Variants in COPG2 observed in about 807,000 individuals in gnomAD.
COPG2 encodes the protein coatomer subunit gamma-2.
COPG2 carries 37 observed loss-of-function variants against 46.3 expected under a neutral mutation model. That is an observed-to-expected ratio of 0.80 (90% CI 0.61 to 1.05). COPG2 has a LOEUF of 1.05. Among genes scored for constraint, COPG2 ranks in the 50% least tolerant of loss-of-function variants. The pLI is 0.00. For synonymous variants in COPG2, 159 were observed against 129.7 expected (o/e 1.23, Z -1.53); for missense variants, 427 against 387.8 (o/e 1.10, Z -0.85).
chr7:130,531,310 C>G (rs958554563), intron 20 of COPG2, among the ~76,000 whole-genome samples: 5 of 151,888 alleles, frequency 3.3e-5, no homozygotes, highest in African/African-American at 4.8e-5. Flanking sequence ...TAGGGAAGAC[C>G]CTGAATCCAG....
In COPG2 at chr7:130,535,337, T is replaced by TGGAG. The variant is rs1211716243; in HGVS notation, c.2149+12333_2149+12336dup. 4.6e-5 allele frequency among the ~76,000 whole-genome samples: 7 copies of TGGAG among 151,404 alleles called. No homozygotes were observed. In the South Asian group the frequency reaches 1.3e-3, roughly 27 times the overall value. ...AGTCACCTACAGAAGACAGACAGGG[T>TGGAG]GGAGGGGCCTCCAGGGAAGGATGGA... On this transcript the variant is annotated intron_variant, in intron 20 of 23. Transcript: ENST00000425248.
intron 1 of COPG2, among the ~76,000 whole-genome samples, chr7:130,667,781 C>T (rs1554461691): frequency 6.6e-6 from 1 of 152,212 alleles, no homozygotes; most frequent in African/African-American, 2.4e-5. Context: ...TTTCCCTGCC[C>T]TCTTTTTCCA....
intron 9 of COPG2, among the ~76,000 whole-genome samples, chr7:130,575,995 A>C (rs1203187456): frequency 1.3e-5 from 2 of 152,242 alleles, no homozygotes; most frequent in Non-Finnish European, 2.9e-5. Flanking sequence ...TAATGGTAAA[A>C]GCCCTTGTCC....
At chr7:130,652,505 T>C (rs1795767541) in intron 5 of COPG2, among the ~76,000 whole-genome samples, 1 of 152,250 alleles carries the variant, frequency 6.6e-6, no homozygotes, top group African/African-American at 2.4e-5. Flanking sequence ...TATTGGTTAT[T>C]TGATGAATTA....
chr7:130,651,504 T>A (rs1161916740), intron 5 of COPG2, among the ~76,000 whole-genome samples: 2 of 87,762 alleles, frequency 2.3e-5, no homozygotes, highest in African/African-American at 8.1e-5. Context: ...ATTTTTTTTT[T>A]TTTTTTTTTT....
chr7:130,564,075 A>T (rs1793763070), intron 10 of COPG2, among the ~76,000 whole-genome samples, 185 bp downstream of exon 10: 1 of 152,152 alleles, frequency 6.6e-6, no homozygotes, highest in South Asian at 2.1e-4. Context: ...TAGAAACATT[A>T]AAAAAAGTAA....
intron 20 of COPG2, among the ~76,000 whole-genome samples, chr7:130,525,873 A>T (rs999469140): frequency 1.3e-4 from 20 of 152,062 alleles, no homozygotes; most frequent in Admixed American, 2.6e-4. Context: ...AGGAGGACAG[A>T]GAGTGGGACC....
At chr7:130,604,383 T>C (rs1273220972) in intron 9 of COPG2, among the ~76,000 whole-genome samples, 1 of 152,240 alleles carries the variant, frequency 6.6e-6, no homozygotes, top group African/African-American at 2.4e-5. Flanking sequence ...TATTGTGTAA[T>C]TTTCTGTGTA....
intron 9 of COPG2, among the ~76,000 whole-genome samples, chr7:130,577,801 A>AC (rs1201451570): frequency 3.3e-5 from 5 of 151,426 alleles, no homozygotes; most frequent in African/African-American, 1.2e-4. Context: ...AAAAAAAAAA[A>AC]CAGCCCACCA....
At chr7:130,513,904 T>C (rs1554441390) in intron 20 of COPG2, among the ~76,000 whole-genome samples, 1 of 151,996 alleles carries the variant, frequency 6.6e-6, no homozygotes, top group East Asian at 1.9e-4. Context: ...GATTGGCAGG[T>C]ATTGACTGGA....
At chr7:130,617,773 T>A (rs1794973814) in intron 5 of COPG2, among the ~76,000 whole-genome samples, 1 of 152,200 alleles carries the variant, frequency 6.6e-6, no homozygotes, top group Non-Finnish European at 1.5e-5. Context: ...AGGAAGAAGT[T>A]TTGACTGATA....
intron 9 of COPG2, chr7:130,610,113 C>T (rs573384648): frequency 9.6e-6 from 5 of 519,246 alleles, no homozygotes; most frequent in African/African-American, 9.6e-5. Context: ...CATGTCACTG[C>T]CTCTGTATTT....
At chr7:130,605,933 T>C (rs1794719921) in intron 9 of COPG2, among the ~76,000 whole-genome samples, 1 of 152,224 alleles carries the variant, frequency 6.6e-6, no homozygotes, top group Non-Finnish European at 1.5e-5. Context: ...AGTGAAGTGT[T>C]ACTGCGACAA....
At chr7:130,668,590 C>T (rs1796152788) in intron 1 of COPG2, 42 bp downstream of exon 1, 3 of 1,488,612 alleles carry the variant, frequency 2.0e-6, no homozygotes, top group Non-Finnish European at 1.8e-6. Flanking sequence ...GGGGAAGGGG[C>T]GTCCCGCGGC....
In COPG2 at chr7:130,636,508, C is replaced by G. The variant is rs143861710; in HGVS notation, c.323+16361G>C. 1.1e-3 allele frequency among the ~76,000 whole-genome samples: 147 copies of G among 137,068 alleles called. 2 individuals carry two copies. The East Asian group carries it at 0.029, about 27-fold the overall frequency. 89.9% of individuals were successfully genotyped at this position (137,068 alleles called of 152,430 possible). On this transcript the variant is annotated intron_variant, in intron 5 of 23. Transcript: ENST00000425248. ...CTTTTGATCTTTGTTGGTTTAAAGT[C>G]TGTTTTATCAGAGACTAGGATTGCA...
intron 5 of COPG2, among the ~76,000 whole-genome samples, chr7:130,635,307 C>A (rs781906503): frequency 6.6e-6 from 1 of 152,002 alleles, no homozygotes; most frequent in Non-Finnish European, 1.5e-5. Context: ...TTTTGTACCT[C>A]TGGTAGAATT....
chr7:130,523,459 G>A (rs1370734339), intron 20 of COPG2, among the ~76,000 whole-genome samples: 10 of 152,342 alleles, frequency 6.6e-5, no homozygotes, highest in South Asian at 2.1e-4. Flanking sequence ...ACTGGTGGAT[G>A]TGGGAGGATG....
intron 9 of COPG2, among the ~76,000 whole-genome samples, chr7:130,587,823 C>T (rs1554448240): frequency 6.6e-6 from 1 of 152,112 alleles, no homozygotes; most frequent in East Asian, 1.9e-4. Context: ...AGCTTCAGCA[C>T]AGCAAAAGAA....
At chr7:130,596,478 C>T (rs181480546) in intron 9 of COPG2, among the ~76,000 whole-genome samples, 1 of 152,318 alleles carries the variant, frequency 6.6e-6, no homozygotes, top group African/African-American at 2.4e-5. Context: ...TGGATTTTGG[C>T]AGGCTTGCTG....
Sources: gnomAD v4.1 joint callset for allele counts (sites outside exome capture counted in the v4.1 genomes callset) on GRCh38, gnomAD v4.1.1 for gene constraint, MANE v1.5 for transcripts, NCBI Gene and HGNC (gene_info 2026-07-23, HGNC 2026-07-21) for gene names.